The following KCNQ3 variants were observed in gnomAD, a reference collection of about 807,000 sequenced individuals.
KCNQ3 encodes potassium voltage-gated channel subfamily KQT member 3.
KCNQ3 carries 30 observed loss-of-function variants against 92.5 expected under a neutral mutation model. The ratio of observed to expected loss-of-function variants is 0.32; its 90% CI spans 0.24 to 0.44. The LOEUF (loss-of-function observed/expected upper bound fraction) is 0.44. Among genes scored for constraint, KCNQ3 ranks in the 20% least tolerant of loss-of-function variants. KCNQ3 has a pLI of 1.00. For synonymous variants in KCNQ3, 450 were observed against 468.8 expected, an observed-to-expected ratio of 0.96 and a Z score of 0.52; for missense variants, 913 against 1,140.3, an observed-to-expected ratio of 0.80 and a Z score of 2.87.
intron 1 of KCNQ3, among the ~76,000 whole-genome samples, chr8:132,249,092 C>T (rs1252999329): frequency 1.3e-5 from 2 of 152,162 alleles, no homozygotes; most frequent in Non-Finnish European, 2.9e-5. Flanking sequence ...AGCTGCAGAC[C>T]TTTGCGGTGA....
At chr8:132,279,045 G>T (rs11782396) in intron 1 of KCNQ3, among the ~76,000 whole-genome samples, 1 of 151,594 alleles carries the variant, frequency 6.6e-6, no homozygotes, top group Non-Finnish European at 1.5e-5. Flanking sequence ...ATGAAACCCC[G>T]TCTCTACTAG....
At chr8:132,156,781 G>A (rs1825807510) in intron 9 of KCNQ3, among the ~76,000 whole-genome samples, 2 of 152,054 alleles carry the variant, frequency 1.3e-5, no homozygotes, top group Admixed American at 1.3e-4. Context: ...TTTGAAATAG[G>A]GTCTTTGCTG....
intron 9 of KCNQ3, among the ~76,000 whole-genome samples, chr8:132,158,678 A>G (rs1825884374): frequency 6.6e-6 from 1 of 152,172 alleles, no homozygotes; most frequent in Non-Finnish European, 1.5e-5. Flanking sequence ...TCTGCAAGTC[A>G]CTTATCTATC....
At chr8:132,479,410 AAGG>A in intron 1 of KCNQ3, among the ~76,000 whole-genome samples, 1 of 152,202 alleles carries the variant, frequency 6.6e-6, no homozygotes, top group Middle Eastern at 3.4e-3. Flanking sequence ...ATCCCAAATC[AAGG>A]AGATGTTTCA....
intron 1 of KCNQ3, among the ~76,000 whole-genome samples, chr8:132,270,672 G>T (rs2130497435): frequency 1.3e-5 from 2 of 152,276 alleles, no homozygotes; most frequent in African/African-American, 4.8e-5. Context: ...AGCAAGAGAG[G>T]CCCAGCAAGT....
intron 1 of KCNQ3, among the ~76,000 whole-genome samples, chr8:132,276,099 A>ATTCTTTGATTC (rs1361555566): frequency 6.6e-6 from 1 of 152,224 alleles, no homozygotes; most frequent in Non-Finnish European, 1.5e-5. Context: ...GGACCACAGA[A>ATTCTTTGATTC]TAGGCCTTTG....
intron 1 of KCNQ3, among the ~76,000 whole-genome samples, chr8:132,248,540 T>A (rs1815268977): frequency 6.6e-6 from 1 of 152,166 alleles, no homozygotes; most frequent in African/African-American, 2.4e-5. Flanking sequence ...TTTCCCAATT[T>A]AACACAATGA....
At chr8:132,405,867 T>C (rs925893760) in intron 1 of KCNQ3, among the ~76,000 whole-genome samples, 28 of 152,144 alleles carry the variant, frequency 1.8e-4, no homozygotes, top group Non-Finnish European at 2.9e-5. Flanking sequence ...GAGGTGGTCC[T>C]GAAATGAACA....
At chr8:132,417,966 C>T (rs7011957) in intron 1 of KCNQ3, among the ~76,000 whole-genome samples, 2,610 of 152,184 alleles carry the variant, frequency 0.017, 72 homozygotes, top group African/African-American at 0.059. Flanking sequence ...ACCCAAGGTC[C>T]GTGGTGCAAA....
At chr8:132,133,354 CT>C (rs10673519) in intron 13 of KCNQ3, among the ~76,000 whole-genome samples, 1,450 of 103,436 alleles carry the variant, frequency 0.014, 30 homozygotes, top group Admixed American at 0.1. Flanking sequence ...GCTCTCGATT[CT>C]TTTTTTTTTT....
intron 1 of KCNQ3, among the ~76,000 whole-genome samples, chr8:132,314,204 T>A (rs1817675814): frequency 6.6e-6 from 1 of 152,176 alleles, no homozygotes. Flanking sequence ...ATTTCCTAAA[T>A]GTAAACACTT....
chr8:132,384,111 T>A (rs895663902), intron 1 of KCNQ3, among the ~76,000 whole-genome samples: 1 of 152,188 alleles, frequency 6.6e-6, no homozygotes, highest in Non-Finnish European at 1.5e-5. Context: ...ACAAGAAGGC[T>A]TCTCTGCCCT....
intron 1 of KCNQ3, among the ~76,000 whole-genome samples, chr8:132,188,095 G>C (rs985559578): frequency 6.6e-6 from 1 of 152,164 alleles, no homozygotes; most frequent in Non-Finnish European, 1.5e-5. Flanking sequence ...TGACCAGAAA[G>C]CTTGGAGTCT....
At chr8:132,431,946 G>A (rs1821261837) in intron 1 of KCNQ3, among the ~76,000 whole-genome samples, 1 of 152,136 alleles carries the variant, frequency 6.6e-6, no homozygotes, top group African/African-American at 2.4e-5. Flanking sequence ...CCTAACTGCA[G>A]CCTTGTGCAA....
intron 1 of KCNQ3, chr8:132,187,047 G>A (rs1826992937): frequency 5.2e-6 from 2 of 385,416 alleles, no homozygotes; most frequent in African/African-American, 2.1e-5. Context: ...CCCTCTTGGT[G>A]GAGAGTCTTT....
At chr8:132,432,387 T>C (rs1466304164) in intron 1 of KCNQ3, among the ~76,000 whole-genome samples, 3 of 150,950 alleles carry the variant, frequency 2.0e-5, no homozygotes, top group Non-Finnish European at 4.4e-5. Context: ...ATAACAAAAC[T>C]ATGATCTGTC....
At position 132,350,266 on chromosome 8, in the gene KCNQ3, C is replaced by T. The variant is rs982009226; in HGVS notation, c.386+129881G>A. 3.3e-5 allele frequency among the ~76,000 whole-genome samples: 5 copies of T among 151,884 alleles called. No individual in the cohort carries two copies. The East Asian group carries it at 9.7e-4, about 29-fold the overall frequency. On this transcript the variant is annotated intron_variant, in intron 1 of 14. Transcript: ENST00000388996. Reference sequence around the variant, plus strand: ...CAAGTTCCTTCCAAGAGAAAATGTCCGGGTTTCAGATTCATGGTGGGGAGG... The same window carrying T: ...CAAGTTCCTTCCAAGAGAAAATGTCTGGGTTTCAGATTCATGGTGGGGAGG...
At chr8:132,167,215 C>T (rs980884881) in intron 8 of KCNQ3, among the ~76,000 whole-genome samples, 2 of 152,054 alleles carry the variant, frequency 1.3e-5, no homozygotes, top group Admixed American at 6.5e-5. Context: ...TACTATGAAA[C>T]GTTCAGGATA....
chr8:132,158,347 T>C (rs1336373783), intron 9 of KCNQ3, among the ~76,000 whole-genome samples: 1 of 152,200 alleles, frequency 6.6e-6, no homozygotes, highest in Non-Finnish European at 1.5e-5. Flanking sequence ...CTCTGTGAGA[T>C]AAATTTCATG....
Sources: gnomAD v4.1 joint callset for allele counts (sites outside exome capture counted in the v4.1 genomes callset) on GRCh38, gnomAD v4.1.1 for gene constraint, MANE v1.5 for transcripts, NCBI Gene and HGNC (gene_info 2026-07-23, HGNC 2026-07-21) for gene names.